GADL1: variants seen among roughly 807,000 people sequenced by gnomAD.
GADL1 encodes the protein GAD like acidic amino acid decarboxylase 1.
Under a neutral mutation model 69.5 loss-of-function variants are expected in GADL1, and 71 were observed. The observed-to-expected ratio is 1.02, with a 90% CI of 0.84 to 1.25. GADL1 has a LOEUF of 1.25. Among genes scored for constraint, GADL1 ranks in the 50% most tolerant of loss-of-function variants. The pLI is 0.00. For missense variants in GADL1, 737 were observed against 631.8 expected, an observed-to-expected ratio of 1.17 and a Z score of -1.79; for synonymous variants, 254 against 214.4, an observed-to-expected ratio of 1.18 and a Z score of -1.62.
At chr3:30,789,123 T>C (rs1696859083) in intron 12 of GADL1, among the ~76,000 whole-genome samples, 1 of 152,232 alleles carries the variant, frequency 6.6e-6, no homozygotes, top group South Asian at 2.1e-4. Flanking sequence ...ATCACGGCTA[T>C]AGCCTTACAA....
intron 8 of GADL1, among the ~76,000 whole-genome samples, chr3:30,839,989 C>T (rs541622907): frequency 5.9e-5 from 9 of 151,852 alleles, no homozygotes; most frequent in East Asian, 1.9e-4. Flanking sequence ...ATGTGTTGCT[C>T]GCTGTGTAGG....
At chr3:30,816,027 T>C (rs1697462096) in intron 11 of GADL1, among the ~76,000 whole-genome samples, 1 of 152,166 alleles carries the variant, frequency 6.6e-6, no homozygotes, top group Non-Finnish European at 1.5e-5. Flanking sequence ...ATTTGATATG[T>C]GGATTTAATG....
chr3:30,824,172 A>G (rs1033688411), intron 11 of GADL1, among the ~76,000 whole-genome samples: 6 of 151,832 alleles, frequency 4.0e-5, no homozygotes, highest in East Asian at 1.9e-4. Context: ...AATATTTTTA[A>G]AGCTTGAAAA....
chr3:30,887,540 T>G (rs1233546561), intron 1 of GADL1, among the ~76,000 whole-genome samples: 1 of 152,148 alleles, frequency 6.6e-6, no homozygotes, highest in African/African-American at 2.4e-5. Flanking sequence ...GCAAGAAGGT[T>G]CTCACTAGAT....
chr3:30,760,128 T>C (rs1342510248), intron 14 of GADL1, among the ~76,000 whole-genome samples: 1 of 152,172 alleles, frequency 6.6e-6, no homozygotes, highest in Non-Finnish European at 1.5e-5. Context: ...AATAATTCTT[T>C]CAAAGAAAAC....
chr3:30,762,211 G>A (rs536633442), intron 14 of GADL1, among the ~76,000 whole-genome samples: 1 of 152,272 alleles, frequency 6.6e-6, no homozygotes, highest in African/African-American at 2.4e-5. Flanking sequence ...GAGGGGCTTG[G>A]GGTAGTGACG....
intron 1 of GADL1, among the ~76,000 whole-genome samples, chr3:30,876,696 C>A (rs997230866): frequency 1.3e-5 from 2 of 151,880 alleles, no homozygotes; most frequent in Admixed American, 6.6e-5. Context: ...CTCTTGCCCA[C>A]TTACATGCCA....
intron 6 of GADL1, among the ~76,000 whole-genome samples, chr3:30,848,252 C>T (rs1453476312): frequency 3.9e-5 from 6 of 152,280 alleles, no homozygotes; most frequent in Non-Finnish European, 5.9e-5. Flanking sequence ...ACAAGAGCCT[C>T]GAATGGCTGA....
intron 14 of GADL1, among the ~76,000 whole-genome samples, chr3:30,743,548 G>A (rs547467749): frequency 1.3e-5 from 2 of 152,118 alleles, no homozygotes; most frequent in Non-Finnish European, 2.9e-5. Flanking sequence ...AAGGAAAGTG[G>A]GTTGCTAGAA....
At chr3:30,763,368 T>C (rs911213464) in intron 14 of GADL1, among the ~76,000 whole-genome samples, 2 of 151,512 alleles carry the variant, frequency 1.3e-5, no homozygotes, top group Admixed American at 1.3e-4. Context: ...CCAAGTATAG[T>C]GGCCGGCGCC....
At chr3:30,736,146 T>C (rs1340362958) in intron 14 of GADL1, among the ~76,000 whole-genome samples, 2 of 152,154 alleles carry the variant, frequency 1.3e-5, no homozygotes, top group African/African-American at 2.4e-5. Context: ...ATCAAATATC[T>C]AGTTTGCTCA....
intron 11 of GADL1, among the ~76,000 whole-genome samples, chr3:30,824,777 A>G (rs1644190340): frequency 6.6e-6 from 1 of 150,866 alleles, no homozygotes; most frequent in Non-Finnish European, 1.5e-5. Context: ...AAACTAATAA[A>G]AGCAAGCAAG....
rs1697398231 is a variant in GADL1, at chr3:30,813,378, G to GA, written c.1051-12291_1051-12290insT. 4.0e-5 allele frequency among the ~76,000 whole-genome samples: 6 copies of GA among 151,682 alleles called. 1 individual carries two copies. Among genetic ancestry groups the GA allele is most frequent in the Non-Finnish European group, 5.9e-5 (4 of 67,894 alleles). On this transcript the variant is annotated intron_variant, in intron 11 of 14. Transcript: ENST00000282538. Reference sequence around the variant, plus strand: ...GATTAATTGCATCTCTCCAAAATAGGCAGACATATAGAAATGTTCTCTTTC... The same window carrying GA: ...GATTAATTGCATCTCTCCAAAATAGGACAGACATATAGAAATGTTCTCTTTC...
At chr3:30,868,923 A>G (rs1698442974) in intron 1 of GADL1, among the ~76,000 whole-genome samples, 1 of 151,856 alleles carries the variant, frequency 6.6e-6, no homozygotes. Context: ...TAGTGCAAAG[A>G]CGCTGGGGAC....
At chr3:30,839,514 CAA>C (rs764490080) in intron 8 of GADL1, among the ~76,000 whole-genome samples, 2 of 105,650 alleles carry the variant, frequency 1.9e-5, no homozygotes, top group African/African-American at 4.9e-5. Flanking sequence ...GTCATCTTCT[CAA>C]AAAAAAAAAA....
At chr3:30,894,357 G>A (rs1354693545) in intron 1 of GADL1, among the ~76,000 whole-genome samples, 1 of 152,164 alleles carries the variant, frequency 6.6e-6, no homozygotes, top group Non-Finnish European at 1.5e-5. Context: ...TCTTAGGCGC[G>A]GTTCTTCGCG....
At chr3:30,878,776 T>C (rs1024007496) in intron 1 of GADL1, among the ~76,000 whole-genome samples, 2 of 151,922 alleles carry the variant, frequency 1.3e-5, no homozygotes, top group Non-Finnish European at 2.9e-5. Flanking sequence ...CTAGGGTATA[T>C]AGAGAAAATA....
intron 14 of GADL1, among the ~76,000 whole-genome samples, chr3:30,762,578 T>C (rs1696164156): frequency 6.6e-6 from 1 of 152,164 alleles, no homozygotes; most frequent in Non-Finnish European, 1.5e-5. Context: ...TCATGAAAAA[T>C]GAGGTATACA....
chr3:30,855,484 C>T (rs755666210), intron 3 of GADL1, among the ~76,000 whole-genome samples: 2 of 152,032 alleles, frequency 1.3e-5, no homozygotes, highest in African/African-American at 4.8e-5. Flanking sequence ...TGGACCCATG[C>T]GACTGGCAGT....
Sources: allele counts gnomAD v4.1 joint callset (sites outside exome capture counted in the v4.1 genomes callset), GRCh38; gene constraint gnomAD v4.1.1; transcripts MANE v1.5; gene names NCBI Gene and HGNC (gene_info 2026-07-23, HGNC 2026-07-21).